Variants in RABGEF1 observed in about 807,000 individuals in gnomAD.
The protein encoded by RABGEF1 is rab5 GDP/GTP exchange factor.
RABGEF1 carries 26 observed loss-of-function variants against 57.3 expected under a neutral mutation model. That is an observed-to-expected ratio of 0.45 (90% CI 0.33 to 0.63). RABGEF1 has a LOEUF of 0.63. RABGEF1 is among the 20% of genes least tolerant of loss of function. The pLI, the probability that RABGEF1 is intolerant of heterozygous loss-of-function variation, is 0.02. For missense variants in RABGEF1, 464 were observed against 607.6 expected (o/e 0.76, Z 2.48); for synonymous variants, 185 against 210.7 (o/e 0.88, Z 1.06).
chr7:66,780,153 C>T (rs1809545175), intron 3 of RABGEF1, among the ~76,000 whole-genome samples: 1 of 152,170 alleles, frequency 6.6e-6, no homozygotes, highest in African/African-American at 2.4e-5. Context: ...TGTGTTTTGA[C>T]TGGTGTACAG....
chr7:66,786,502 C>T (rs1811223287), intron 4 of RABGEF1, among the ~76,000 whole-genome samples: 1 of 152,190 alleles, frequency 6.6e-6, no homozygotes, highest in Non-Finnish European at 1.5e-5. Flanking sequence ...CTCCCAGACT[C>T]AAGTGATCCT....
intron 1 of RABGEF1, among the ~76,000 whole-genome samples, chr7:66,768,532 A>AG (rs1240388896): frequency 6.6e-6 from 1 of 152,106 alleles, no homozygotes; most frequent in East Asian, 1.9e-4. Context: ...CCAGAGCAAA[A>AG]TGTTTTGTTT....
the RABGEF1 span, among the ~76,000 whole-genome samples, chr7:66,659,472 GAA>G: frequency 1.4e-5 from 2 of 139,554 alleles, no homozygotes; most frequent in African/African-American, 5.3e-5. Flanking sequence ...AAAGAAAAAA[GAA>G]AAAAAAGAAA....
chr7:66,753,028 A>C (rs1055572381), intron 1 of RABGEF1, among the ~76,000 whole-genome samples: 1 of 152,202 alleles, frequency 6.6e-6, no homozygotes, highest in African/African-American at 2.4e-5. Context: ...ACATGTAAGC[A>C]AGTAATTGTA....
At chr7:66,718,718 A>G (rs1414112853) in intron 2 of RABGEF1, among the ~76,000 whole-genome samples, 1 of 152,210 alleles carries the variant, frequency 6.6e-6, no homozygotes, top group Non-Finnish European at 1.5e-5. Flanking sequence ...CCAGCCTGGA[A>G]CCTGGGGAGT....
intron 1 of RABGEF1, chr7:66,748,968 G>A: frequency 5.0e-6 from 1 of 200,200 alleles, no homozygotes; most frequent in Non-Finnish European, 1.1e-5. Flanking sequence ...CTGCTGCTTT[G>A]CTGGCTGGGT....
In RABGEF1 at chr7:66,798,861, C is replaced by A. The variant is rs184919967; in HGVS notation, c.729-462C>A. 2.5e-3 allele frequency among the ~76,000 whole-genome samples: 382 copies of A among 152,258 alleles called. 2 individuals carry two copies. Among genetic ancestry groups the A allele is most frequent in the Admixed American group, 0.021 (315 of 15,290 alleles). On this transcript the variant is annotated intron_variant, in intron 6 of 8. Transcript: ENST00000284957. The stretch of plus-strand genomic sequence containing the variant: ...CCTGTAGTCCCGGCTGCTTGGGAGC[C>A]TGAGGCAGGAGAATTGCTTGAACCC...
chr7:66,692,556 G>A (rs1175488479), intron 1 of RABGEF1, among the ~76,000 whole-genome samples: 1 of 152,192 alleles, frequency 6.6e-6, no homozygotes, highest in Non-Finnish European at 1.5e-5. Context: ...AAAAGTGACA[G>A]GTAAAGGGAT....
chr7:66,803,239 ATC>A (rs1273878211), intron 7 of RABGEF1, among the ~76,000 whole-genome samples: 1 of 152,240 alleles, frequency 6.6e-6, no homozygotes, highest in Non-Finnish European at 1.5e-5. Context: ...TGCCTAGCAC[ATC>A]TGTCCCCCAC....
chr7:66,697,511 T>C (rs1320265520), intron 1 of RABGEF1, among the ~76,000 whole-genome samples: 1 of 152,132 alleles, frequency 6.6e-6, no homozygotes, highest in Non-Finnish European at 1.5e-5. Flanking sequence ...CTTCTCCCTG[T>C]CAACTCTGGG....
At chr7:66,800,555 A>G (rs752805993) in intron 7 of RABGEF1, among the ~76,000 whole-genome samples, 2 of 152,044 alleles carry the variant, frequency 1.3e-5, no homozygotes, top group Non-Finnish European at 2.9e-5. Flanking sequence ...CTGCTAGGCT[A>G]TGGCGTAGGT....
chr7:66,676,575 T>TC, the RABGEF1 span, among the ~76,000 whole-genome samples: 1 of 152,156 alleles, frequency 6.6e-6, no homozygotes, highest in South Asian at 2.1e-4. Context: ...GTATTCTCTC[T>TC]CCCCCATTCT....
intron 1 of RABGEF1, among the ~76,000 whole-genome samples, chr7:66,692,147 C>T (rs1394172153): frequency 6.6e-6 from 1 of 152,218 alleles, no homozygotes. Flanking sequence ...ACATTTCTAG[C>T]ACTCGGTAGC....
intron 8 of RABGEF1, 131 bp downstream of exon 8, chr7:66,805,527 A>C: frequency 7.4e-7 from 1 of 1,357,822 alleles, no homozygotes; most frequent in Non-Finnish European, 1.0e-6. Context: ...GAGGAAGCTC[A>C]CTTTGCATCA....
the RABGEF1 span, among the ~76,000 whole-genome samples, chr7:66,656,498 G>A: frequency 2.0e-5 from 3 of 152,130 alleles, no homozygotes; most frequent in Non-Finnish European, 4.4e-5. Flanking sequence ...ACCAGGGAAG[G>A]GTTTTTAGCT....
chr7:66,683,339 G>A (rs190682463), intron 1 of RABGEF1, among the ~76,000 whole-genome samples: 11 of 152,312 alleles, frequency 7.2e-5, no homozygotes, highest in East Asian at 5.8e-4. Flanking sequence ...GATGCAAGAA[G>A]ATGTGATTAT....
At chr7:66,771,580 C>G (rs1307300956) in intron 1 of RABGEF1, among the ~76,000 whole-genome samples, 1 of 152,082 alleles carries the variant, frequency 6.6e-6, no homozygotes, top group Non-Finnish European at 1.5e-5. Context: ...TAGGAGTTTT[C>G]TAGTTTGCAG....
chr7:66,717,497 C>A (rs1394196347), intron 2 of RABGEF1, among the ~76,000 whole-genome samples: 1 of 151,942 alleles, frequency 6.6e-6, no homozygotes, highest in South Asian at 2.1e-4. Context: ...GTGGCTCACA[C>A]CTGTAATCCC....
chr7:66,680,164 A>G (rs1201208728), upstream of RABGEF1, among the ~76,000 whole-genome samples: 8 of 152,188 alleles, frequency 5.3e-5, no homozygotes, highest in African/African-American at 9.7e-5. Flanking sequence ...GGTAATAGCA[A>G]TTATCACCAT....
Sources: gnomAD v4.1 joint callset for allele counts (sites outside exome capture counted in the v4.1 genomes callset) on GRCh38, gnomAD v4.1.1 for gene constraint, MANE v1.5 for transcripts, NCBI Gene and HGNC (gene_info 2026-07-23, HGNC 2026-07-21) for gene names.